Variants in TMEM154 observed in about 807,000 individuals in gnomAD.
TMEM154 encodes transmembrane protein 154.
Under a neutral mutation model 24.5 loss-of-function variants are expected in TMEM154, and 27 were observed. That is an observed-to-expected ratio of 1.10 (90% CI 0.81 to 1.52). The LOEUF (loss-of-function observed/expected upper bound fraction) is 1.52, where lower values mean the gene tolerates loss of function less well. TMEM154 is among the 40% of genes most tolerant of loss of function. The probability of loss-of-function intolerance (pLI) is 0.00; values close to 1 mark genes in which losing one functional copy is unlikely to be tolerated. For synonymous variants in TMEM154, 67 were observed against 76.8 expected (o/e 0.87, Z 0.67); for missense variants, 228 against 213.4 (o/e 1.07, Z -0.43).
At chr4:152,635,136 C>T (rs536259236) in intron 6 of TMEM154, among the ~76,000 whole-genome samples, 3 of 152,158 alleles carry the variant, frequency 2.0e-5, no homozygotes, top group Non-Finnish European at 2.9e-5. Flanking sequence ...AAAAAAAGCT[C>T]GCATAAAACT....
chr4:152,628,966 A>G lies in TMEM154; in HGVS notation c.537-405T>C, dbSNP rs1261806685. ...GGCCAACAGTAACATATCTCTAAGAAGCTAAAGAGAGCTGGTCACTCCATT... is the reference window on the plus strand; with the variant it reads ...GGCCAACAGTAACATATCTCTAAGAGGCTAAAGAGAGCTGGTCACTCCATT... On this transcript the variant is annotated intron_variant, in intron 6 of 6. Coordinates refer to ENST00000304385, the MANE Select transcript of TMEM154 (RefSeq NM_152680.3). 2.6e-5 allele frequency among the ~76,000 whole-genome samples: 4 copies of G among 152,110 alleles called. No homozygotes were observed. In the East Asian group the frequency reaches 7.7e-4, roughly 29 times the overall value.
At chr4:152,632,321 T>C (rs1324992919) in intron 6 of TMEM154, among the ~76,000 whole-genome samples, 26 of 152,246 alleles carry the variant, frequency 1.7e-4, no homozygotes, top group Non-Finnish European at 2.9e-5. Flanking sequence ...AGACTATTTA[T>C]TAAATAATGC....
chr4:152,637,296 A>G (rs893896425), intron 6 of TMEM154, among the ~76,000 whole-genome samples: 1 of 152,252 alleles, frequency 6.6e-6, no homozygotes, highest in Non-Finnish European at 1.5e-5. Flanking sequence ...CTGTAATCCC[A>G]GCGCTTTGGG....
rs1751891431 is a variant in TMEM154, at chr4:152,624,785, C to T, written c.*3761G>A. 1 of 152,176 alleles carries T rather than the reference C, an allele frequency of 6.6e-6. No homozygotes were observed. The highest frequency in any genetic ancestry group is 2.1e-4 in the South Asian group (1 of 4,828). 9.4% of individuals were successfully genotyped at this position (152,176 alleles called of 1,614,324 possible). ...GCAATTTGAAATATTCCACTAGACACTAATATACAGGAACTCTTTTGGTCA... is the reference window on the plus strand; with the variant it reads ...GCAATTTGAAATATTCCACTAGACATTAATATACAGGAACTCTTTTGGTCA... On this transcript the variant is annotated 3_prime_UTR_variant, in exon 7 of 7. Coordinates refer to ENST00000304385, the MANE Select transcript of TMEM154 (RefSeq NM_152680.3).
intron 3 of TMEM154, among the ~76,000 whole-genome samples, chr4:152,644,720 C>A (rs1044703632): frequency 6.6e-6 from 1 of 152,188 alleles, no homozygotes; most frequent in Admixed American, 6.5e-5. Context: ...TTTACATCCA[C>A]AAGAAGAGGA....
intron 6 of TMEM154, among the ~76,000 whole-genome samples, chr4:152,635,738 T>A (rs945681744): frequency 5.3e-5 from 8 of 152,216 alleles, no homozygotes; most frequent in African/African-American, 1.9e-4. Flanking sequence ...ACAGATATAC[T>A]GTCACTCTCT....
At chr4:152,652,509 C>A (rs6849919) in intron 3 of TMEM154, 29 bp downstream of exon 3, 76,374 of 1,612,668 alleles carry the variant, frequency 0.047, 2,654 homozygotes, top group African/African-American at 0.16. Flanking sequence ...CCACCCCCAC[C>A]TGTAGGCAGG....
chr4:152,649,677 C>T (rs933520325), intron 3 of TMEM154, among the ~76,000 whole-genome samples: 1 of 152,186 alleles, frequency 6.6e-6, no homozygotes, highest in Admixed American at 6.5e-5. Context: ...TAACCCTAAT[C>T]TGACTCACTC....
At position 152,628,060 on chromosome 4, in the gene TMEM154, GT is replaced by G; in HGVS notation, c.*485del. ...CATGACATAACACTCCTCGAGAAAA[GT>G]TCCTGCTGAATGTAGTTTACCTGTC... On this transcript the variant is annotated 3_prime_UTR_variant, in exon 7 of 7. Coordinates refer to ENST00000304385, the MANE Select transcript of TMEM154 (RefSeq NM_152680.3). 1 of 166,504 alleles carries G rather than the reference GT, an allele frequency of 6.0e-6. No homozygotes were observed. Among genetic ancestry groups the G allele is most frequent in the Non-Finnish European group, 1.3e-5 (1 of 76,018 alleles). The allele number at this position is 166,504 out of a possible 1,614,324, so 10.3% of individuals were successfully genotyped here. A position where few individuals can be genotyped will look rare whatever the true frequency, so the allele number is the denominator to read the frequency against.
intron 6 of TMEM154, among the ~76,000 whole-genome samples, chr4:152,640,550 C>T (rs1472931399): frequency 3.0e-4 from 45 of 152,168 alleles, no homozygotes; most frequent in Admixed American, 2.9e-3. Flanking sequence ...TACAGTTACC[C>T]ACTTTAAGAC....
intron 3 of TMEM154, among the ~76,000 whole-genome samples, chr4:152,650,810 C>T (rs1394863722): frequency 6.6e-6 from 1 of 152,188 alleles, no homozygotes; most frequent in Non-Finnish European, 1.5e-5. Flanking sequence ...TATCAGCAGG[C>T]ATGAAAACGT....
intron 3 of TMEM154, 32 bp downstream of exon 3, chr4:152,652,506 C>T (rs372908393): frequency 1.9e-6 from 3 of 1,611,950 alleles, no homozygotes; most frequent in Non-Finnish European, 1.7e-6. Context: ...ATCCCACCCC[C>T]ACCTGTAGGC....
chr4:152,679,557 C>G (rs1300732064), intron 1 of TMEM154, among the ~76,000 whole-genome samples: 1 of 151,786 alleles, frequency 6.6e-6, no homozygotes, highest in African/African-American at 2.4e-5. Flanking sequence ...CATAAACTGC[C>G]AAAAAGTTTA....
chr4:152,634,031 CAAAAAAAAAAA>C (rs1167923301), intron 6 of TMEM154, among the ~76,000 whole-genome samples: 3 of 20,412 alleles, frequency 1.5e-4, no homozygotes, highest in Non-Finnish European at 2.0e-4. Flanking sequence ...GACCCCATCT[CAAAAAAAAAAA>C]AAAAAAAAAA....
chr4:152,633,234 C>A (rs1428166450), intron 6 of TMEM154, among the ~76,000 whole-genome samples: 1 of 152,168 alleles, frequency 6.6e-6, no homozygotes. Context: ...GCTCTGTGGA[C>A]CGTGAGCAAC....
chr4:152,649,641 C>A (rs906493490), intron 3 of TMEM154, among the ~76,000 whole-genome samples: 6 of 152,124 alleles, frequency 3.9e-5, no homozygotes, highest in African/African-American at 1.4e-4. Flanking sequence ...TGGTGATGAC[C>A]CCAAGGCCTC....
chr4:152,628,592 ACAAAAAAAACACAC>A (rs1751964909), intron 6 of TMEM154, 31 bp from the exon 7 acceptor site: 1 of 538,938 alleles, frequency 1.9e-6, no homozygotes, highest in Admixed American at 1.2e-4. Flanking sequence ...AAAAAAAAAA[ACAAAAAAAACACAC>A]ACACACACAC....
At chr4:152,655,456 A>G (rs1728472335) in intron 1 of TMEM154, among the ~76,000 whole-genome samples, 1 of 152,144 alleles carries the variant, frequency 6.6e-6, no homozygotes, top group African/African-American at 2.4e-5. Flanking sequence ...CCTGAGCCCT[A>G]GTGGCTGCAG....
chr4:152,641,082 C>A (rs72956780), intron 5 of TMEM154, 97 bp from the exon 6 acceptor site: 3 of 1,184,122 alleles, frequency 2.5e-6, no homozygotes, highest in Non-Finnish European at 3.5e-6. Flanking sequence ...CTCTGATCTG[C>A]GTGGTTACTT....
Sources: gnomAD v4.1 joint callset for allele counts (sites outside exome capture counted in the v4.1 genomes callset) on GRCh38, gnomAD v4.1.1 for gene constraint, MANE v1.5 for transcripts, NCBI Gene and HGNC (gene_info 2026-07-23, HGNC 2026-07-21) for gene names.